Variants in ZBTB7C observed in about 807,000 individuals in gnomAD.
ZBTB7C encodes zinc finger and BTB domain containing 7C, also known as zinc finger and BTB domain-containing protein 7C.
ZBTB7C carries 8 observed loss-of-function variants against 25.7 expected under a neutral mutation model. The ratio of observed to expected loss-of-function variants is 0.31; its 90% CI spans 0.18 to 0.56. The LOEUF (loss-of-function observed/expected upper bound fraction) is 0.56. Ranked by LOEUF, ZBTB7C falls within the 20% of genes least tolerant of loss-of-function variation. ZBTB7C has a pLI of 0.91. For synonymous variants in ZBTB7C, 394 were observed against 369.0 expected, an observed-to-expected ratio of 1.07 and a Z score of -0.78; for missense variants, 824 against 855.2, an observed-to-expected ratio of 0.96 and a Z score of 0.46.
At chr18:48,047,971 C>A (rs1466872423) in intron 3 of ZBTB7C, among the ~76,000 whole-genome samples, 2 of 152,190 alleles carry the variant, frequency 1.3e-5, no homozygotes, top group Non-Finnish European at 2.9e-5. Flanking sequence ...AACCCAGCTG[C>A]GTTTGATGCC....
Position 48,029,300 on chromosome 18 carries a change from C to T in ZBTB7C, c.1820G>A (p.Gly607Asp). 6.5e-7 allele frequency: 1 copy of T among 1,537,136 alleles called. No homozygotes were observed. Among genetic ancestry groups the T allele is most frequent in the Admixed American group, 2.0e-5 (1 of 51,228 alleles). The change falls in exon 5 of 5, where the codon GGC becomes GAC. Residue 607 changes from glycine (G) to aspartate (D), a missense_variant. Coordinates refer to ENST00000590800, the MANE Select transcript of ZBTB7C (RefSeq NM_001318841.2). ...AGLAGLPGLA[G>D]LNHVASMSEA... ...GGACATGGAGGCCACGTGGTTGAGG[C>T]CGGCGAGCCCAGGGAGGCCGGCCAG...
rs1442017475 is a variant in ZBTB7C at position 48,211,150 on chromosome 18, T to C, written c.-78-25155A>G. On this transcript the variant is annotated intron_variant, in intron 2 of 4. Coordinates refer to ENST00000590800, the MANE Select transcript of ZBTB7C (RefSeq NM_001318841.2). The stretch of plus-strand genomic sequence containing the variant: ...TGTATATCCATATGCAAAAAATTAA[T>C]CTAGACAAAGACCTCACATTCTTCA... Among the ~76,000 whole-genome samples the C allele has an allele frequency of 2.6e-5, 4 of 152,162 alleles. No homozygotes were observed. The East Asian group carries it at 5.8e-4, about 22-fold the overall frequency.
intron 2 of ZBTB7C, among the ~76,000 whole-genome samples, chr18:48,198,017 AGTATT>A (rs1268760155): frequency 6.6e-6 from 1 of 152,166 alleles, no homozygotes; most frequent in Non-Finnish European, 1.5e-5. Context: ...CAGTGTTTGC[AGTATT>A]GTGATGAGGT....
At chr18:48,305,628 C>A (rs2045654928) in intron 2 of ZBTB7C, among the ~76,000 whole-genome samples, 1 of 152,130 alleles carries the variant, frequency 6.6e-6, no homozygotes, top group African/African-American at 2.4e-5. Context: ...TGCATTATTA[C>A]CTGTAAGACA....
chr18:48,342,397 A>AG, intron 1 of ZBTB7C, among the ~76,000 whole-genome samples: 1 of 152,310 alleles, frequency 6.6e-6, no homozygotes. Context: ...AGACCCAGCC[A>AG]GGATTTTCAA....
In ZBTB7C at chr18:48,262,505, T is replaced by C. The variant is rs142506474; in HGVS notation, c.-79+75669A>G. ...ACTCTCTAAGACAAACACCAGGCAG[T>C]ATATGAAACCAGGGCTCATATAGAT... On this transcript the variant is annotated intron_variant, in intron 2 of 4. Transcript: ENST00000590800. 4.5e-3 allele frequency among the ~76,000 whole-genome samples: 688 copies of C among 152,278 alleles called. 2 individuals carry two copies. The highest frequency in any genetic ancestry group is 0.016 in the African/African-American group (652 of 41,540).
At chr18:48,115,189 T>C (rs1344582930) in intron 3 of ZBTB7C, among the ~76,000 whole-genome samples, 5 of 152,198 alleles carry the variant, frequency 3.3e-5, no homozygotes, top group Non-Finnish European at 7.3e-5. Context: ...CTTTTGTGAC[T>C]GGCTTCTTTC....
At chr18:48,065,618 G>C (rs537225848) in intron 3 of ZBTB7C, among the ~76,000 whole-genome samples, 12 of 152,288 alleles carry the variant, frequency 7.9e-5, no homozygotes, top group African/African-American at 2.9e-4. Flanking sequence ...GGGCTGTTCA[G>C]CTGACAAGAG....
intron 2 of ZBTB7C, among the ~76,000 whole-genome samples, chr18:48,234,994 A>G (rs1417634179): frequency 6.6e-6 from 1 of 152,200 alleles, no homozygotes; most frequent in Non-Finnish European, 1.5e-5. Flanking sequence ...TATGAATATA[A>G]CAATACTAGC....
intron 1 of ZBTB7C, among the ~76,000 whole-genome samples, chr18:48,376,425 G>A (rs2047520249): frequency 6.6e-6 from 1 of 152,224 alleles, no homozygotes; most frequent in Non-Finnish European, 1.5e-5. Context: ...TGACTCAGCT[G>A]CAGTTGGTTA....
chr18:48,230,655 G>A (rs1343668339), intron 2 of ZBTB7C, among the ~76,000 whole-genome samples: 1 of 152,198 alleles, frequency 6.6e-6, no homozygotes. Flanking sequence ...CATCACATCT[G>A]GTGCAAGGAT....
intron 1 of ZBTB7C, among the ~76,000 whole-genome samples, chr18:48,351,838 A>G (rs1326254725): frequency 6.6e-6 from 1 of 152,200 alleles, no homozygotes; most frequent in African/African-American, 2.4e-5. Context: ...CTTGGCAGCA[A>G]GCCAAGCTCA....
intron 2 of ZBTB7C, among the ~76,000 whole-genome samples, chr18:48,201,640 C>T (rs2042451661): frequency 6.6e-6 from 1 of 152,188 alleles, no homozygotes; most frequent in Non-Finnish European, 1.5e-5. Flanking sequence ...CCAGAGCCAC[C>T]TCCTTTATCT....
At chr18:48,094,030 G>T (rs182529443) in intron 3 of ZBTB7C, among the ~76,000 whole-genome samples, 5 of 152,328 alleles carry the variant, frequency 3.3e-5, no homozygotes, top group African/African-American at 9.6e-5. Flanking sequence ...CTGCACTCCA[G>T]CCTGGGCGAC....
chr18:48,092,584 C>T (rs1310717744), intron 3 of ZBTB7C, among the ~76,000 whole-genome samples: 3 of 152,270 alleles, frequency 2.0e-5, no homozygotes, highest in African/African-American at 7.2e-5. Context: ...CACTCAAATA[C>T]GCTTTGCATC....
At chr18:48,096,864 A>G (rs188723534) in intron 3 of ZBTB7C, among the ~76,000 whole-genome samples, 30 of 152,224 alleles carry the variant, frequency 2.0e-4, no homozygotes, top group Admixed American at 3.9e-4. Flanking sequence ...GGTCTAAGTC[A>G]TTTTCCCCTC....
chr18:48,372,906 C>T (rs1321829032), intron 1 of ZBTB7C, among the ~76,000 whole-genome samples: 2 of 152,146 alleles, frequency 1.3e-5, no homozygotes, highest in Non-Finnish European at 2.9e-5. Context: ...TTCCTCAATA[C>T]CCAGCTTACA....
intron 1 of ZBTB7C, among the ~76,000 whole-genome samples, chr18:48,394,514 T>A (rs1201693208): frequency 6.6e-6 from 1 of 152,228 alleles, no homozygotes; most frequent in East Asian, 1.9e-4. Flanking sequence ...TTTTTAATCA[T>A]CTGTAGTAAG....
At chr18:48,072,625 G>T (rs1369869297) in intron 3 of ZBTB7C, 1 of 152,266 alleles carries the variant, frequency 6.6e-6, no homozygotes, top group East Asian at 1.9e-4. Flanking sequence ...AATAGGGAAG[G>T]TAGAGTTTCA....
Sources: allele counts gnomAD v4.1 joint callset (sites outside exome capture counted in the v4.1 genomes callset), GRCh38; gene constraint gnomAD v4.1.1; transcripts MANE v1.5; gene names NCBI Gene and HGNC (gene_info 2026-07-23, HGNC 2026-07-21).